Variants in CDH12 observed in about 807,000 individuals in gnomAD.
CDH12 encodes cadherin-12.
A neutral mutation model predicts 74.1 loss-of-function variants in CDH12; 41 were observed. The observed-to-expected ratio is 0.55, with a 90% CI of 0.43 to 0.72. The LOEUF (loss-of-function observed/expected upper bound fraction) is 0.72, where lower values mean the gene tolerates loss of function less well. CDH12 is among the 30% of genes least tolerant of loss of function. CDH12 has a pLI of 0.00. For synonymous variants in CDH12, 399 were observed against 355.0 expected (o/e 1.12, Z -1.39); for missense variants, 945 against 977.2 (o/e 0.97, Z 0.44).
intron 6 of CDH12, among the ~76,000 whole-genome samples, chr5:21,892,725 A>G (rs6452024): frequency 0.97 from 147,143 of 152,164 alleles, 71,312 homozygotes; most frequent in Non-Finnish European, 1. Flanking sequence ...ATGGTTCACA[A>G]GGATATGACC....
chr5:21,839,875 AC>A (rs1386782988), intron 8 of CDH12, among the ~76,000 whole-genome samples: 1 of 152,122 alleles, frequency 6.6e-6, no homozygotes, highest in African/African-American at 2.4e-5. Context: ...TTGAAAATGC[AC>A]CAGGAATAAA....
chr5:22,277,802 C>T (rs1334259136), intron 3 of CDH12, among the ~76,000 whole-genome samples: 1 of 152,192 alleles, frequency 6.6e-6, no homozygotes, highest in African/African-American at 2.4e-5. Context: ...CCATTGCACT[C>T]CAGCCTGGGC....
chr5:22,490,400 T>C (rs1177132881), intron 2 of CDH12, among the ~76,000 whole-genome samples: 1 of 152,182 alleles, frequency 6.6e-6, no homozygotes, highest in Admixed American at 6.5e-5. Context: ...AGAGTTCTGC[T>C]TTCTCTTTAT....
At chr5:22,485,977 T>G (rs1029399805) in intron 2 of CDH12, among the ~76,000 whole-genome samples, 1 of 152,218 alleles carries the variant, frequency 6.6e-6, no homozygotes, top group Non-Finnish European at 1.5e-5. Flanking sequence ...TCTTCAGCAC[T>G]GGATAAGGGA....
At chr5:22,038,168 G>T (rs1739315917) in intron 5 of CDH12, among the ~76,000 whole-genome samples, 1 of 152,148 alleles carries the variant, frequency 6.6e-6, no homozygotes, top group Non-Finnish European at 1.5e-5. Flanking sequence ...CTGCTGGAGT[G>T]TATCCTGCTC....
intron 8 of CDH12, among the ~76,000 whole-genome samples, chr5:21,821,404 C>T (rs928496908): frequency 6.6e-6 from 1 of 151,554 alleles, no homozygotes. Flanking sequence ...GAATGAATGA[C>T]TTTAAAAATA....
chr5:22,419,315 C>A (rs1306098334), intron 2 of CDH12, among the ~76,000 whole-genome samples: 3 of 152,098 alleles, frequency 2.0e-5, no homozygotes, highest in Admixed American at 2.0e-4. Flanking sequence ...CCCCTGCACC[C>A]CCTGACAGGC....
chr5:21,914,443 T>G (rs747868752), intron 6 of CDH12, among the ~76,000 whole-genome samples: 2 of 152,202 alleles, frequency 1.3e-5, no homozygotes, highest in Non-Finnish European at 2.9e-5. Flanking sequence ...ACAAGTCATA[T>G]GTATCCTGTA....
chr5:22,304,571 A>T (rs1356658756), intron 3 of CDH12, among the ~76,000 whole-genome samples: 2 of 152,240 alleles, frequency 1.3e-5, no homozygotes, highest in Admixed American at 6.5e-5. Context: ...TCAAATGCCT[A>T]TATAGGAGAC....
At chr5:22,624,553 G>A (rs1170027246) in intron 1 of CDH12, among the ~76,000 whole-genome samples, 1 of 152,174 alleles carries the variant, frequency 6.6e-6, no homozygotes, top group Admixed American at 6.5e-5. Flanking sequence ...ACAGACACAT[G>A]AAAAAATGCT....
intron 13 of CDH12, among the ~76,000 whole-genome samples, chr5:21,759,387 A>G (rs879750109): frequency 3.3e-5 from 5 of 151,918 alleles, no homozygotes; most frequent in Non-Finnish European, 7.4e-5. Flanking sequence ...CTCATTATAA[A>G]CTATGCAAAC....
intron 14 of CDH12, among the ~76,000 whole-genome samples, chr5:21,753,578 C>T (rs1392647729): frequency 6.6e-6 from 1 of 152,178 alleles, no homozygotes; most frequent in African/African-American, 2.4e-5. Context: ...CCACAAAGGA[C>T]ATGAGAATGG....
intron 1 of CDH12, among the ~76,000 whole-genome samples, chr5:22,598,213 A>G (rs1047726027): frequency 1.3e-5 from 2 of 152,230 alleles, no homozygotes; most frequent in Non-Finnish European, 2.9e-5. Context: ...TAACTTCAGC[A>G]TTCTCCAGTA....
chr5:22,299,914 A>G (rs1737795582), intron 3 of CDH12, among the ~76,000 whole-genome samples: 1 of 152,158 alleles, frequency 6.6e-6, no homozygotes. Flanking sequence ...AGAGTCAAAC[A>G]CTTTTACCGA....
chr5:21,926,620 C>T (rs1208592098), intron 6 of CDH12, among the ~76,000 whole-genome samples: 1 of 152,110 alleles, frequency 6.6e-6, no homozygotes, highest in African/African-American at 2.4e-5. Context: ...TTTATTAATT[C>T]CCCAAATTAA....
At chr5:22,397,924 G>C (rs955210268) in intron 3 of CDH12, among the ~76,000 whole-genome samples, 1 of 152,014 alleles carries the variant, frequency 6.6e-6, no homozygotes, top group African/African-American at 2.4e-5. Context: ...TAAAAGCCAA[G>C]AACAGAGACC....
At chr5:22,819,319 T>C (rs2126469881) in intron 1 of CDH12, among the ~76,000 whole-genome samples, 1 of 152,176 alleles carries the variant, frequency 6.6e-6, no homozygotes, top group South Asian at 2.1e-4. Context: ...TACTTGGGAC[T>C]TAGCAGTGAA....
At chr5:22,503,384 A>T (rs1159343137) in intron 2 of CDH12, among the ~76,000 whole-genome samples, 1 of 152,124 alleles carries the variant, frequency 6.6e-6, no homozygotes, top group Non-Finnish European at 1.5e-5. Context: ...TGATAAAAGA[A>T]AACTGTCTTT....
intron 1 of CDH12, among the ~76,000 whole-genome samples, chr5:22,549,614 T>A (rs974291373): frequency 1.3e-5 from 2 of 152,184 alleles, no homozygotes; most frequent in African/African-American, 2.4e-5. Flanking sequence ...AGTACCATAG[T>A]TACAGTTCAT....
Sources: gnomAD v4.1 joint callset for allele counts (sites outside exome capture counted in the v4.1 genomes callset) on GRCh38, gnomAD v4.1.1 for gene constraint, MANE v1.5 for transcripts, NCBI Gene and HGNC (gene_info 2026-07-23, HGNC 2026-07-21) for gene names.